The following TAPT1 variants were observed in gnomAD, a reference collection of about 807,000 sequenced individuals.
TAPT1 encodes the protein transmembrane anterior posterior transformation 1.
TAPT1 carries 28 observed loss-of-function variants against 65.6 expected under a neutral mutation model. The observed-to-expected ratio is 0.43, with a 90% CI of 0.32 to 0.59. The LOEUF is 0.59. TAPT1 is among the 20% of genes least tolerant of loss of function. The probability of loss-of-function intolerance (pLI) is 0.09; values close to 1 mark genes in which losing one functional copy is unlikely to be tolerated. For missense variants in TAPT1, 563 were observed against 679.9 expected (o/e 0.83, Z 1.91); for synonymous variants, 278 against 245.2 (o/e 1.13, Z -1.25).
chr4:16,175,825 A>G (rs1748286966), intron 9 of TAPT1, among the ~76,000 whole-genome samples: 1 of 152,204 alleles, frequency 6.6e-6, no homozygotes, highest in South Asian at 2.1e-4. Flanking sequence ...AATAGAAACA[A>G]TGTGATTTTA....
chr4:16,219,492 T>C (rs1379047211), intron 1 of TAPT1, among the ~76,000 whole-genome samples: 1 of 152,218 alleles, frequency 6.6e-6, no homozygotes, highest in Non-Finnish European at 1.5e-5. Context: ...GGGTAAACTT[T>C]GCGTACAATT....
In TAPT1 at chr4:16,174,689, A is replaced by G; in HGVS notation, c.1148T>C (p.Val383Ala). Reference sequence around the variant, plus strand: ...GCTCACATTTTTCTGTCGGCTGCTAACAAGGTCAAAAGCAAGACTGGCTCT... The same window carrying G: ...GCTCACATTTTTCTGTCGGCTGCTAGCAAGGTCAAAAGCAAGACTGGCTCT... ...EYRASLAFDL[V>A]SSRQKNAYTD... is the part of the protein sequence containing the mutation. Residue 383 changes from valine (V) to alanine (A), a missense_variant, in exon 10 of 14, where the codon GTT becomes GCT. Physicochemically the swap from Val to Ala is moderately conservative, Grantham distance 64. Coordinates refer to ENST00000405303, the MANE Select transcript of TAPT1 (RefSeq NM_153365.3). The G allele has an allele frequency of 6.3e-7, 1 of 1,594,688 alleles. No homozygotes were observed. The highest frequency in any genetic ancestry group is 8.5e-7 in the Non-Finnish European group (1 of 1,169,982).
At chr4:16,193,757 C>A (rs1296066288) in intron 3 of TAPT1, among the ~76,000 whole-genome samples, 3 of 152,198 alleles carry the variant, frequency 2.0e-5, no homozygotes, top group African/African-American at 2.4e-5. Context: ...CACCAGCCCC[C>A]ACTCAGAAGA....
At chr4:16,201,448 A>T (rs1178930573) in intron 3 of TAPT1, among the ~76,000 whole-genome samples, 1 of 152,252 alleles carries the variant, frequency 6.6e-6, no homozygotes, top group African/African-American at 2.4e-5. Context: ...TTAGCATTTT[A>T]GAACTTTTCC....
intron 2 of TAPT1, among the ~76,000 whole-genome samples, chr4:16,206,295 A>G (rs1197143286): frequency 6.6e-6 from 1 of 152,224 alleles, no homozygotes; most frequent in Non-Finnish European, 1.5e-5. Flanking sequence ...ACATAGAATG[A>G]TCCTGAGACT....
chr4:16,188,752 C>T (rs1749174118), intron 4 of TAPT1, among the ~76,000 whole-genome samples: 2 of 152,066 alleles, frequency 1.3e-5, no homozygotes, highest in South Asian at 4.2e-4. Flanking sequence ...AACGCCGTCT[C>T]TACTAAAAAT....
chr4:16,202,600 G>C lies in TAPT1; in HGVS notation c.331-20C>G. ...CATCAGCTGAATTTTAACAAGGAGA[G>C]AAGAAAAAAAAAAAGTATTTTAAAA... On this transcript the variant is annotated intron_variant, in intron 2 of 13. Coordinates refer to ENST00000405303, the MANE Select transcript of TAPT1 (RefSeq NM_153365.3). The C allele has an allele frequency of 1.7e-6, 2 of 1,180,416 alleles. No individual in the cohort carries two copies. Among genetic ancestry groups the C allele is most frequent in the Middle Eastern group, 2.0e-4 (1 of 5,010 alleles). 73.1% of individuals were successfully genotyped at this position (1,180,416 alleles called of 1,614,324 possible).
chr4:16,174,374 C>A, intron 10 of TAPT1, 102 bp from the exon 11 acceptor site: 2 of 1,034,438 alleles, frequency 1.9e-6, no homozygotes, highest in Admixed American at 2.6e-5. Context: ...ACAGGTGAGG[C>A]TATGGAGCAA....
rs71649940 is a variant in TAPT1 at position 16,194,859 on chromosome 4, G to GTCTTCT, written c.450-3342_450-3337dup. 9.8e-3 allele frequency among the ~76,000 whole-genome samples: 1,440 copies of GTCTTCT among 146,992 alleles called. 31 individuals are homozygous for GTCTTCT. Among genetic ancestry groups the GTCTTCT allele is most frequent in the South Asian group, 0.022 (105 of 4,734 alleles). ...TTAAAAAACAAGGGTCTTGATTTCT[G>GTCTTCT]TCTTCTTCTTCTTCTTCTTCTTCTT... On this transcript the variant is annotated intron_variant, in intron 3 of 13. Coordinates refer to ENST00000405303, the MANE Select transcript of TAPT1 (RefSeq NM_153365.3).
intron 3 of TAPT1, among the ~76,000 whole-genome samples, chr4:16,196,358 C>G (rs1749705394): frequency 6.6e-6 from 1 of 152,146 alleles, no homozygotes; most frequent in South Asian, 2.1e-4. Context: ...AGGAATTAAG[C>G]TCAGCCAATT....
chr4:16,164,034 C>A (rs576984074), intron 13 of TAPT1, among the ~76,000 whole-genome samples: 15 of 152,242 alleles, frequency 9.9e-5, no homozygotes, highest in African/African-American at 3.4e-4. Flanking sequence ...ATAAACAAAA[C>A]CCCCAATGTT....
intron 1 of TAPT1, among the ~76,000 whole-genome samples, chr4:16,218,785 A>G (rs74865610): frequency 0.012 from 1,838 of 152,336 alleles, 22 homozygotes; most frequent in Non-Finnish European, 0.019. Context: ...AGTATTAATC[A>G]GTTCTGGTTT....
At chr4:16,201,153 A>G (rs1750005701) in intron 3 of TAPT1, among the ~76,000 whole-genome samples, 1 of 152,182 alleles carries the variant, frequency 6.6e-6, no homozygotes, top group Non-Finnish European at 1.5e-5. Flanking sequence ...GATCATCATA[A>G]TAATTATTCC....
rs1166467877 is a variant in TAPT1 at position 16,174,688 on chromosome 4, A to G, written c.1149T>C (p.Val383=). The change falls in exon 10 of 14, where the codon GTT becomes GTC. Residue 383 remains valine (V), a synonymous_variant. Transcript: ENST00000405303. The part of the protein sequence containing the change: ...EYRASLAFDL[V]SSRQKNAYTD... Reference sequence around the variant, plus strand: ...TGCTCACATTTTTCTGTCGGCTGCTAACAAGGTCAAAAGCAAGACTGGCTC... The same window carrying G: ...TGCTCACATTTTTCTGTCGGCTGCTGACAAGGTCAAAAGCAAGACTGGCTC... 6.3e-7 allele frequency: 1 copy of G among 1,594,396 alleles called. No individual in the cohort carries two copies. Among genetic ancestry groups the G allele is most frequent in the Non-Finnish European group, 8.5e-7 (1 of 1,169,820 alleles).
At chr4:16,176,524 T>C in intron 8 of TAPT1, 2 of 181,978 alleles carry the variant, frequency 1.1e-5, no homozygotes, top group Non-Finnish European at 2.3e-5. Context: ...GGTGAAACCC[T>C]GTCTCTACTA....
upstream of TAPT1, chr4:16,226,497 G>A (rs1333911940): frequency 4.9e-6 from 5 of 1,029,422 alleles, no homozygotes; most frequent in Non-Finnish European, 3.5e-6. Context: ...CCTCCCTCCA[G>A]CCTCTGCCTC....
rs1449750256 is a variant in TAPT1 at position 16,162,889 on chromosome 4, A to C, written c.*419T>G. 2.6e-6 allele frequency: 1 copy of C among 388,336 alleles called. No homozygotes were observed. Among genetic ancestry groups the C allele is most frequent in the African/African-American group, 2.1e-5 (1 of 47,760 alleles). 24.1% of individuals were successfully genotyped at this position (388,336 alleles called of 1,614,324 possible). A position where few individuals can be genotyped will look rare whatever the true frequency, so the allele number is the denominator to read the frequency against. ...ACGTTTGAAAACTGTTTGTGAAAAT[A>C]GTATGAGACTGGAAAGATTACGTCG... On this transcript the variant is annotated 3_prime_UTR_variant, in exon 14 of 14. Coordinates refer to ENST00000405303, the MANE Select transcript of TAPT1 (RefSeq NM_153365.3).
At chr4:16,213,683 C>A (rs1200290295) in intron 2 of TAPT1, 85 bp downstream of exon 2, 7 of 1,211,386 alleles carry the variant, frequency 5.8e-6, no homozygotes, top group Non-Finnish European at 7.7e-6. Flanking sequence ...AAAAACTCAA[C>A]TCTAGCTGTT....
intron 2 of TAPT1, among the ~76,000 whole-genome samples, chr4:16,210,201 T>C (rs959160790): frequency 1.3e-5 from 2 of 152,150 alleles, no homozygotes; most frequent in African/African-American, 4.8e-5. Flanking sequence ...TCCCTAGAGG[T>C]TTTTTCTGCC....
Sources: gnomAD v4.1 joint callset for allele counts (sites outside exome capture counted in the v4.1 genomes callset) on GRCh38, gnomAD v4.1.1 for gene constraint, MANE v1.5 for transcripts, NCBI Gene and HGNC (gene_info 2026-07-23, HGNC 2026-07-21) for gene names.